Variants in CORIN observed in about 807,000 individuals in gnomAD.
CORIN encodes atrial natriuretic peptide-converting enzyme.
CORIN carries 117 observed loss-of-function variants against 125.3 expected under a neutral mutation model. The ratio of observed to expected loss-of-function variants is 0.93; its 90% confidence interval spans 0.80 to 1.09. The LOEUF is 1.09. Among genes scored for constraint, CORIN ranks in the 50% least tolerant of loss-of-function variants. The pLI is 0.00. For missense variants in CORIN, 1,253 were observed against 1,306.7 expected, an observed-to-expected ratio of 0.96 and a Z score of 0.63; for synonymous variants, 450 against 466.4, an observed-to-expected ratio of 0.96 and a Z score of 0.45.
At chr4:47,663,972 T>C (rs931085280) in intron 11 of CORIN, among the ~76,000 whole-genome samples, 2 of 152,232 alleles carry the variant, frequency 1.3e-5, no homozygotes, top group African/African-American at 4.8e-5. Flanking sequence ...TGCCCTTACT[T>C]TGTTATCCAT....
chr4:47,722,412 T>C (rs562286976), intron 5 of CORIN, among the ~76,000 whole-genome samples: 2 of 152,354 alleles, frequency 1.3e-5, no homozygotes, highest in African/African-American at 4.8e-5. Flanking sequence ...GTTCCTTTTT[T>C]TCATCTGACA....
chr4:47,611,739 G>C (rs1228718200), intron 19 of CORIN, among the ~76,000 whole-genome samples: 1 of 152,092 alleles, frequency 6.6e-6, no homozygotes, highest in Non-Finnish European at 1.5e-5. Context: ...TTTGTCATAA[G>C]TGGCTGTTAT....
chr4:47,647,057 C>CG (rs573075503), intron 13 of CORIN, among the ~76,000 whole-genome samples: 56 of 152,116 alleles, frequency 3.7e-4, no homozygotes, highest in African/African-American at 1.1e-3. Context: ...GCTGATAATC[C>CG]GGGGGGGTCT....
At chr4:47,744,824 C>T (rs61762932) in intron 4 of CORIN, among the ~76,000 whole-genome samples, 4,055 of 152,178 alleles carry the variant, frequency 0.027, 62 homozygotes, top group Non-Finnish European at 0.041. Flanking sequence ...GAACATTTAT[C>T]AATAATTTGT....
chr4:47,744,896 A>C (rs1728594300), intron 4 of CORIN, among the ~76,000 whole-genome samples: 1 of 152,224 alleles, frequency 6.6e-6, no homozygotes, highest in African/African-American at 2.4e-5. Context: ...TTAATATCAA[A>C]AGGGGAAAAT....
chr4:47,710,826 C>T (rs1337636634), intron 5 of CORIN, among the ~76,000 whole-genome samples: 2 of 152,362 alleles, frequency 1.3e-5, no homozygotes, highest in East Asian at 3.9e-4. Flanking sequence ...CTGATGCACA[C>T]GCTATACCAT....
At chr4:47,653,243 C>T (rs1332206480) in intron 13 of CORIN, among the ~76,000 whole-genome samples, 1 of 152,134 alleles carries the variant, frequency 6.6e-6, no homozygotes, top group Non-Finnish European at 1.5e-5. Context: ...AAGCATAGTA[C>T]TGCATATATG....
intron 12 of CORIN, among the ~76,000 whole-genome samples, chr4:47,658,023 A>C (rs1223019441): frequency 6.6e-6 from 1 of 152,206 alleles, no homozygotes; most frequent in Non-Finnish European, 1.5e-5. Flanking sequence ...GCATTAACTC[A>C]AAAGTCCCAA....
chr4:47,706,363 T>A, intron 5 of CORIN: 1 of 1,593,474 alleles, frequency 6.3e-7, no homozygotes, highest in Admixed American at 1.7e-5. Flanking sequence ...AGCCATCAGG[T>A]AAGCCAAGAT....
intron 3 of CORIN, among the ~76,000 whole-genome samples, chr4:47,766,598 C>T (rs879838666): frequency 4.6e-5 from 7 of 151,948 alleles, no homozygotes; most frequent in Admixed American, 1.3e-4. Flanking sequence ...TGGTGTTCAA[C>T]CAGAAACCTT....
intron 10 of CORIN, among the ~76,000 whole-genome samples, chr4:47,666,740 G>A (rs1034155518): frequency 6.6e-6 from 1 of 152,178 alleles, no homozygotes; most frequent in African/African-American, 2.4e-5. Context: ...GCAACTGTCT[G>A]CAAACCAGGA....
At chr4:47,672,581 A>G (rs1417687970) in intron 10 of CORIN, among the ~76,000 whole-genome samples, 1 of 152,196 alleles carries the variant, frequency 6.6e-6, no homozygotes, top group African/African-American at 2.4e-5. Context: ...GAGACGAGTA[A>G]AATGAAACAA....
chr4:47,635,540 C>T (rs557938640), intron 16 of CORIN, among the ~76,000 whole-genome samples: 1 of 152,246 alleles, frequency 6.6e-6, no homozygotes, highest in East Asian at 1.9e-4. Flanking sequence ...AATGTTTTAA[C>T]ATCAATATTA....
At chr4:47,678,671 T>A (rs1310848996) in intron 8 of CORIN, among the ~76,000 whole-genome samples, 1 of 152,230 alleles carries the variant, frequency 6.6e-6, no homozygotes, top group Non-Finnish European at 1.5e-5. Flanking sequence ...TGGCCTAATA[T>A]CCATTAACCT....
intron 5 of CORIN, among the ~76,000 whole-genome samples, chr4:47,710,480 C>G (rs76175863): frequency 1.1e-3 from 172 of 152,370 alleles, no homozygotes; most frequent in African/African-American, 4.1e-3. Context: ...TGTTGCCAAG[C>G]AGTTTCTGTC....
At chr4:47,744,051 G>A (rs1175566648) in intron 5 of CORIN, among the ~76,000 whole-genome samples, 2 of 152,194 alleles carry the variant, frequency 1.3e-5, no homozygotes, top group Non-Finnish European at 2.9e-5. Flanking sequence ...ACCACAATAT[G>A]AAGATGTAAT....
At chr4:47,707,172 GAT>G (rs1726609955) in intron 5 of CORIN, among the ~76,000 whole-genome samples, 1 of 152,108 alleles carries the variant, frequency 6.6e-6, no homozygotes, top group Non-Finnish European at 1.5e-5. Flanking sequence ...TTTCTAATAA[GAT>G]AAACTTTTTT....
intron 5 of CORIN, among the ~76,000 whole-genome samples, chr4:47,735,007 C>G (rs1728059911): frequency 6.6e-6 from 1 of 151,438 alleles, no homozygotes; most frequent in Non-Finnish European, 1.5e-5. Context: ...GAATGATACG[C>G]AGAAAAGAAA....
rs376179357 is a variant in CORIN, at chr4:47,735,842, C to T, written c.799+8560G>A. Among the ~76,000 whole-genome samples, 46 of 150,056 alleles carry T rather than the reference C, an allele frequency of 3.1e-4. No homozygotes were observed. In the South Asian group the frequency reaches 8.8e-3, roughly 29 times the overall value. On this transcript the variant is annotated intron_variant, in intron 5 of 21. Transcript: ENST00000273857. ...GGCTGAGACATTCTCCTGAGAATGA[C>T]GTGAACCCGGGAGGCGAAGCTTGCA...
Sources: allele counts gnomAD v4.1 joint callset (sites outside exome capture counted in the v4.1 genomes callset), GRCh38; gene constraint gnomAD v4.1.1; transcripts MANE v1.5; gene names NCBI Gene and HGNC (gene_info 2026-07-23, HGNC 2026-07-21).